The following RALGPS1 variants were observed in gnomAD, a reference collection of about 807,000 sequenced individuals.
The protein encoded by RALGPS1 is ras-specific guanine nucleotide-releasing factor RalGPS1.
A neutral mutation model predicts 78.8 loss-of-function variants in RALGPS1; 19 were observed. That is an observed-to-expected ratio of 0.24 (90% confidence interval 0.17 to 0.35). The LOEUF is 0.35. RALGPS1 is among the 10% of genes least tolerant of loss of function. RALGPS1 has a pLI of 1.00. For missense variants in RALGPS1, 454 were observed against 688.3 expected, an observed-to-expected ratio of 0.66 and a Z score of 3.81; for synonymous variants, 228 against 256.3, an observed-to-expected ratio of 0.89 and a Z score of 1.06.
chr9:127,169,990 A>G (rs1023935498), intron 10 of RALGPS1, among the ~76,000 whole-genome samples: 2 of 152,210 alleles, frequency 1.3e-5, no homozygotes, highest in Non-Finnish European at 2.9e-5. Flanking sequence ...GTTGAGGAGC[A>G]TCTGTATTCT....
Position 126,936,326 on chromosome 9 carries a change from G to A in RALGPS1, c.-66+21351G>A, listed in dbSNP as rs866120467. 1.1e-4 allele frequency among the ~76,000 whole-genome samples: 16 copies of A among 152,324 alleles called. No individual in the cohort carries two copies. The South Asian group carries it at 1.5e-3, about 14-fold the overall frequency. On this transcript the variant is annotated intron_variant, in intron 1 of 18. Coordinates refer to ENST00000259351, the MANE Select transcript of RALGPS1 (RefSeq NM_014636.3). ...TTGAGGCAGGATGAATGGAGTGACT[G>A]CATAAGAACTTTATAAGGAGAGAAC...
intron 14 of RALGPS1, chr9:127,210,732 C>T (rs1339696915): frequency 7.7e-6 from 12 of 1,550,510 alleles, no homozygotes; most frequent in Non-Finnish European, 6.1e-6. Context: ...GCCCAACTGG[C>T]GGGTTCCAGT....
Position 127,212,859 on chromosome 9 carries a change from G to A in RALGPS1, c.1447-85G>A, listed in dbSNP as rs950703239. The A allele has an allele frequency of 3.1e-6, 5 of 1,595,654 alleles. No individual in the cohort carries two copies. The highest frequency in any genetic ancestry group is 4.5e-5 in the East Asian group (2 of 44,128). Reference sequence around the variant, plus strand: ...GGTGGGAAGGCGGCAGGGGAGGGAGGAAGCCTTGCCTGGCCCACGTCGGCC... The same window carrying A: ...GGTGGGAAGGCGGCAGGGGAGGGAGAAAGCCTTGCCTGGCCCACGTCGGCC... On this transcript the variant is annotated intron_variant, in intron 16 of 18. Transcript: ENST00000259351. The surrounding 1 kb of genome is among the most constrained non-coding windows in gnomAD (Gnocchi z 6.0).
rs544414974 is a variant in RALGPS1 at position 126,984,550 on chromosome 9, C to T, written c.216+6805C>T. ...ATGGTGACTTGTGGGTGTGTAACTGCTTTGTTTTGTTTTTGGTGAGCAGTC... is the reference window on the plus strand; with the variant it reads ...ATGGTGACTTGTGGGTGTGTAACTGTTTTGTTTTGTTTTTGGTGAGCAGTC... On this transcript the variant is annotated intron_variant, in intron 4 of 18. Transcript: ENST00000259351. Among the ~76,000 whole-genome samples, 8 of 152,224 alleles carry T rather than the reference C, an allele frequency of 5.3e-5. No individual in the cohort carries two copies. In the South Asian group the frequency reaches 1.7e-3, roughly 32 times the overall value.
At chr9:126,970,477 ATAGCCAT>A (rs2039995869) in intron 3 of RALGPS1, among the ~76,000 whole-genome samples, 1 of 152,246 alleles carries the variant, frequency 6.6e-6, no homozygotes, top group South Asian at 2.1e-4. Context: ...GATCTGTGGA[ATAGCCAT>A]TATGACCTCT....
At position 127,133,390 on chromosome 9, in the gene RALGPS1, C is replaced by T. The variant is rs528889877; in HGVS notation, c.611-32679C>T. ...CCTTGGAAGCGCAGCTCAGTCTTCA[C>T]TGTGAGTTGACAGACTCAGCTGGTT... is the stretch of plus-strand genomic sequence containing the variant. On this transcript the variant is annotated intron_variant, in intron 8 of 18. Coordinates refer to ENST00000259351, the MANE Select transcript of RALGPS1 (RefSeq NM_014636.3). Among the ~76,000 whole-genome samples the T allele has an allele frequency of 3.3e-4, 51 of 152,394 alleles. 1 individual carries two copies. The highest frequency in any genetic ancestry group is 1.2e-3 in the African/African-American group (50 of 41,600).
intron 2 of RALGPS1, among the ~76,000 whole-genome samples, chr9:126,963,231 A>AGTT (rs766015977): frequency 1.8e-4 from 27 of 152,310 alleles, no homozygotes; most frequent in Non-Finnish European, 3.2e-4. Flanking sequence ...GTCACTGGAA[A>AGTT]GTTATAATAC....
chr9:127,096,223 A>G (rs1402807577), intron 8 of RALGPS1, among the ~76,000 whole-genome samples: 1 of 152,076 alleles, frequency 6.6e-6, no homozygotes, highest in East Asian at 1.9e-4. Flanking sequence ...AAGGAGAAAA[A>G]GGTTTTGGTT....
chr9:127,099,987 CT>C (rs2053559633), intron 8 of RALGPS1, among the ~76,000 whole-genome samples: 1 of 152,166 alleles, frequency 6.6e-6, no homozygotes, highest in African/African-American at 2.4e-5. Flanking sequence ...GAAAAGAAAA[CT>C]GCAAAATCAA....
At chr9:126,957,516 C>CT (rs1232117955) in intron 1 of RALGPS1, among the ~76,000 whole-genome samples, 2 of 152,146 alleles carry the variant, frequency 1.3e-5, no homozygotes, top group Non-Finnish European at 2.9e-5. Context: ...CCTGTGGTGA[C>CT]TCTCTGTTAG....
chr9:127,069,135 C>T, intron 7 of RALGPS1, 95 bp from the exon 8 acceptor site: 1 of 1,232,426 alleles, frequency 8.1e-7, no homozygotes, highest in Non-Finnish European at 1.1e-6. Context: ...ATAGATATGT[C>T]ACTTAGGATT....
At chr9:127,024,914 C>T (rs1218926841) in intron 4 of RALGPS1, among the ~76,000 whole-genome samples, 9 of 151,724 alleles carry the variant, frequency 5.9e-5, no homozygotes, top group Non-Finnish European at 1.0e-4. Flanking sequence ...TTTTTTCCTT[C>T]GTCATATTTA....
intron 8 of RALGPS1, among the ~76,000 whole-genome samples, chr9:127,128,619 A>G (rs1189062555): frequency 2.0e-5 from 3 of 152,202 alleles, no homozygotes; most frequent in African/African-American, 7.2e-5. Context: ...AGAAGCCTCC[A>G]TCAGTCCAGA....
intron 8 of RALGPS1, among the ~76,000 whole-genome samples, chr9:127,140,285 A>C (rs947110696): frequency 3.3e-5 from 5 of 152,214 alleles, no homozygotes; most frequent in Admixed American, 6.5e-5. Flanking sequence ...GATCAGATGG[A>C]CGTGCTGTGG....
At chr9:127,194,213 C>G (rs1431556194) in intron 11 of RALGPS1, among the ~76,000 whole-genome samples, 3 of 152,204 alleles carry the variant, frequency 2.0e-5, no homozygotes, top group Admixed American at 2.0e-4. Flanking sequence ...TTGAATTATT[C>G]CCACTTTTCA....
chr9:126,919,734 G>T (rs1031357706), intron 1 of RALGPS1, among the ~76,000 whole-genome samples: 1 of 152,188 alleles, frequency 6.6e-6, no homozygotes, highest in Non-Finnish European at 1.5e-5. Context: ...TCTATTCTTT[G>T]TGAGCAGATA....
intron 11 of RALGPS1, among the ~76,000 whole-genome samples, chr9:127,179,558 C>T (rs2060088288): frequency 6.6e-6 from 1 of 152,238 alleles, no homozygotes; most frequent in Non-Finnish European, 1.5e-5. Context: ...ATCCCCCACA[C>T]CTGCAAAGGA....
intron 10 of RALGPS1, among the ~76,000 whole-genome samples, chr9:127,171,455 A>AG: frequency 6.6e-6 from 1 of 152,338 alleles, no homozygotes; most frequent in South Asian, 2.1e-4. Context: ...GCCTTCTAAA[A>AG]TTAATAAAAG....
intron 1 of RALGPS1, among the ~76,000 whole-genome samples, chr9:126,956,204 C>G (rs2038318768): frequency 1.3e-5 from 2 of 151,898 alleles, no homozygotes; most frequent in African/African-American, 4.8e-5. Context: ...AGCACAGTTC[C>G]CTATCTTCAG....
Sources: gnomAD v4.1 joint callset for allele counts (sites outside exome capture counted in the v4.1 genomes callset) on GRCh38, gnomAD v4.1.1 for gene constraint, Gnocchi (gnomAD v3.1) non-coding constraint, MANE v1.5 for transcripts, NCBI Gene and HGNC (gene_info 2026-07-23, HGNC 2026-07-21) for gene names.